Variants in SREBF2 observed in about 807,000 individuals in gnomAD.
SREBF2 encodes sterol regulatory element binding transcription factor 2, also known as sterol regulatory element-binding protein 2.
A neutral mutation model predicts 113.1 loss-of-function variants in SREBF2; 55 were observed. The observed-to-expected ratio is 0.49, with a 90% CI of 0.39 to 0.61. The LOEUF (loss-of-function observed/expected upper bound fraction) is 0.61. SREBF2 is among the 20% of genes least tolerant of loss of function. SREBF2 has a pLI of 0.00. For synonymous variants in SREBF2, 593 were observed against 605.7 expected (o/e 0.98, Z 0.31); for missense variants, 1,349 against 1,487.4 (o/e 0.91, Z 1.53).
At chr22:41,884,004 C>T (rs2077274587) in intron 10 of SREBF2, among the ~76,000 whole-genome samples, 1 of 152,192 alleles carries the variant, frequency 6.6e-6, no homozygotes, top group Non-Finnish European at 1.5e-5. Flanking sequence ...CTGTGCACCT[C>T]TCATAGGGGA....
At chr22:41,880,664 C>G in intron 9 of SREBF2, 52 bp from the exon 10 acceptor site, 1 of 1,613,038 alleles carries the variant, frequency 6.2e-7, no homozygotes, top group Non-Finnish European at 8.5e-7. Context: ...TATATCAAAA[C>G]AAAAAGCCGG....
In SREBF2 at chr22:41,907,028, G is replaced by A. The variant is rs979581787; in HGVS notation, c.*1368G>A. 3 of 152,264 alleles carry A rather than the reference G, an allele frequency of 2.0e-5. No homozygotes were observed. The highest frequency in any genetic ancestry group is 4.4e-5 in the Non-Finnish European group (3 of 68,074). The allele number at this position is 152,264 out of a possible 1,614,324, so 9.4% of individuals were successfully genotyped here. A position where few individuals can be genotyped will look rare whatever the true frequency, so the allele number is the denominator to read the frequency against. ...CACAGACTGGGGGGTGCTCACAGCA[G>A]GGCCACCTTGATGCAGGCTGGAATG... On this transcript the variant is annotated 3_prime_UTR_variant, in exon 19 of 19. Transcript: ENST00000361204.
intron 10 of SREBF2, among the ~76,000 whole-genome samples, chr22:41,884,280 C>G (rs1157455961): frequency 6.6e-6 from 1 of 152,150 alleles, no homozygotes; most frequent in Admixed American, 6.5e-5. Flanking sequence ...CAATTACAGG[C>G]GTGTGCCACC....
intron 1 of SREBF2, among the ~76,000 whole-genome samples, chr22:41,844,714 G>A (rs1054271528): frequency 2.0e-5 from 3 of 152,140 alleles, no homozygotes; most frequent in Non-Finnish European, 4.4e-5. Context: ...GATCTAGTTT[G>A]GAACAGTGAT....
intron 17 of SREBF2, among the ~76,000 whole-genome samples, chr22:41,904,163 C>A (rs1370102621): frequency 6.6e-6 from 1 of 152,160 alleles, no homozygotes; most frequent in East Asian, 1.9e-4. Flanking sequence ...CAGGTGTGAG[C>A]CACCTCGCCT....
At chr22:41,905,335 C>T (rs1486516510) in intron 18 of SREBF2, 105 bp from the exon 19 acceptor site, 1 of 1,156,860 alleles carries the variant, frequency 8.6e-7, no homozygotes, top group Admixed American at 2.0e-5. Context: ...GACCCCACCT[C>T]CCAGGATGGA....
chr22:41,895,770 G>A (rs1166156568), intron 13 of SREBF2, among the ~76,000 whole-genome samples: 2 of 151,980 alleles, frequency 1.3e-5, no homozygotes, highest in Admixed American at 1.3e-4. Context: ...TTTACCAAGC[G>A]GAGTCAGTAC....
At position 41,906,044 on chromosome 22, in the gene SREBF2, T is replaced by C. The variant is rs987793823; in HGVS notation, c.*384T>C. On this transcript the variant is annotated 3_prime_UTR_variant, in exon 19 of 19. Transcript: ENST00000361204. ...GCTTTCTCTGGGGGACAGCAGTCTC[T>C]GAGCACCAGGGAGCAGTTGCCCTCA... 3 of 475,116 alleles carry C rather than the reference T, an allele frequency of 6.3e-6. No individual in the cohort carries two copies. The highest frequency in any genetic ancestry group is 3.1e-4 in the Middle Eastern group (1 of 3,190). 29.4% of individuals were successfully genotyped at this position (475,116 alleles called of 1,614,324 possible). A position where few individuals can be genotyped will look rare whatever the true frequency, so the allele number is the denominator to read the frequency against.
Position 41,870,814 on chromosome 22 carries a change from C to CTTACTGT in SREBF2, c.721-74_721-73insTACTGTT. 5 of 1,528,498 alleles carry CTTACTGT rather than the reference C, an allele frequency of 3.3e-6. No homozygotes were observed. In the Admixed American group the frequency reaches 8.3e-5, roughly 26 times the overall value. The allele number at this position is 1,528,498 out of a possible 1,614,324, so 94.7% of individuals were successfully genotyped here. A position where few individuals can be genotyped will look rare whatever the true frequency, so the allele number is the denominator to read the frequency against. Reference sequence around the variant, plus strand: ...CATTTCTCATTCTTTCTTGGAAGGTCTATGCAGTAAGAAAGGAATGCATAA... The same window carrying CTTACTGT: ...CATTTCTCATTCTTTCTTGGAAGGTCTTACTGTTATGCAGTAAGAAAGGAATGCATAA... On this transcript the variant is annotated intron_variant, in intron 3 of 18. Coordinates refer to ENST00000361204, the MANE Select transcript of SREBF2 (RefSeq NM_004599.4).
At chr22:41,858,998 C>T (rs1405210164) in intron 1 of SREBF2, among the ~76,000 whole-genome samples, 8 of 151,696 alleles carry the variant, frequency 5.3e-5, no homozygotes, top group African/African-American at 1.9e-4. Flanking sequence ...TGGCGGGCGC[C>T]TGTAATCCCA....
At chr22:41,844,127 G>A (rs906168172) in intron 1 of SREBF2, among the ~76,000 whole-genome samples, 1 of 151,496 alleles carries the variant, frequency 6.6e-6, no homozygotes, top group African/African-American at 2.4e-5. Context: ...GACACTTAAA[G>A]TGACTTCCCC....
At chr22:41,835,232 G>GAGATGAGGTCTCACTATGTTGCCAGT (rs1381505273) in intron 1 of SREBF2, among the ~76,000 whole-genome samples, 2 of 149,694 alleles carry the variant, frequency 1.3e-5, no homozygotes, top group African/African-American at 2.5e-5. Flanking sequence ...CACAATCATA[G>GAGATGAGGTCTCACTATGTTGCCAGT]CACAAACTCT....
At chr22:41,837,065 C>T (rs1323256227) in intron 1 of SREBF2, among the ~76,000 whole-genome samples, 1 of 152,126 alleles carries the variant, frequency 6.6e-6, no homozygotes, top group Non-Finnish European at 1.5e-5. Context: ...AGCTTACATT[C>T]TTGATGGAGG....
chr22:41,837,405 A>G (rs2076785989), intron 1 of SREBF2, among the ~76,000 whole-genome samples: 1 of 151,710 alleles, frequency 6.6e-6, no homozygotes, highest in Non-Finnish European at 1.5e-5. Context: ...TAAAAATACA[A>G]AAATTAGCCG....
chr22:41,883,397 G>A (rs114976913), intron 10 of SREBF2, among the ~76,000 whole-genome samples: 4,641 of 152,172 alleles, frequency 0.03, 249 homozygotes, highest in African/African-American at 0.11. Context: ...TTAATATGTG[G>A]GCTCATGGTA....
intron 1 of SREBF2, among the ~76,000 whole-genome samples, chr22:41,855,251 C>T (rs951102248): frequency 1.3e-5 from 2 of 152,004 alleles, no homozygotes; most frequent in Admixed American, 6.6e-5. Context: ...GGCCAGATTC[C>T]GTGGTTCATG....
At chr22:41,876,968 AT>A (rs1338088419) in intron 7 of SREBF2, among the ~76,000 whole-genome samples, 2 of 152,118 alleles carry the variant, frequency 1.3e-5, no homozygotes, top group Admixed American at 6.6e-5. Flanking sequence ...TTTGTGGTAG[AT>A]TTCTATTTTA....
chr22:41,857,305 A>C (rs2076986641), intron 1 of SREBF2, among the ~76,000 whole-genome samples: 1 of 152,142 alleles, frequency 6.6e-6, no homozygotes, highest in East Asian at 1.9e-4. Flanking sequence ...TCAAACTATG[A>C]GAGCTGGCTC....
intron 1 of SREBF2, among the ~76,000 whole-genome samples, chr22:41,846,195 A>G (rs1436006763): frequency 6.6e-6 from 1 of 152,238 alleles, no homozygotes; most frequent in African/African-American, 2.4e-5. Context: ...TAAGCAGCAG[A>G]AACCGCTTCT....
Sources: allele counts gnomAD v4.1 joint callset (sites outside exome capture counted in the v4.1 genomes callset), GRCh38; gene constraint gnomAD v4.1.1; transcripts MANE v1.5; gene names NCBI Gene and HGNC (gene_info 2026-07-23, HGNC 2026-07-21).